The following YPEL1 variants were observed in gnomAD, a reference collection of about 807,000 sequenced individuals.
YPEL1 encodes the protein yippee like 1, also known as protein yippee-like 1.
YPEL1 carries 7 observed loss-of-function variants against 17.3 expected under a neutral mutation model. The observed-to-expected ratio is 0.40, with a 90% confidence interval of 0.23 to 0.76. YPEL1 has a LOEUF of 0.76. YPEL1 is among the 30% of genes least tolerant of loss of function. YPEL1 has a pLI of 0.35. For missense variants in YPEL1, 91 were observed against 155.5 expected (o/e 0.59, Z 2.21); for synonymous variants, 59 against 59.6 (o/e 0.99, Z 0.05).
intron 1 of YPEL1, among the ~76,000 whole-genome samples, chr22:21,716,642 T>A (rs1022376075): frequency 8.5e-5 from 13 of 152,246 alleles, no homozygotes; most frequent in Non-Finnish European, 1.6e-4. Flanking sequence ...CGCCCTGAGG[T>A]ACCTGGCAGA....
intron 1 of YPEL1, among the ~76,000 whole-genome samples, chr22:21,722,281 T>C (rs546617549): frequency 4.7e-4 from 71 of 152,252 alleles, no homozygotes; most frequent in Non-Finnish European, 8.4e-4. Flanking sequence ...CCAGATGTGG[T>C]GGCACGTGCC....
At chr22:21,719,596 T>G (rs540271483) in intron 1 of YPEL1, among the ~76,000 whole-genome samples, 1 of 152,206 alleles carries the variant, frequency 6.6e-6, no homozygotes, top group South Asian at 2.1e-4. Flanking sequence ...TTAAAATAAG[T>G]AGTATCAGCC....
At chr22:21,725,598 A>C (rs1344517492) in intron 1 of YPEL1, among the ~76,000 whole-genome samples, 1 of 152,148 alleles carries the variant, frequency 6.6e-6, no homozygotes, top group African/African-American at 2.4e-5. Context: ...AAAATCACTG[A>C]CTAGTGTCCT....
intron 4 of YPEL1, among the ~76,000 whole-genome samples, chr22:21,702,384 T>G (rs1338014513): frequency 6.6e-6 from 1 of 152,156 alleles, no homozygotes; most frequent in Admixed American, 6.5e-5. Flanking sequence ...TGGTGTGAAC[T>G]GTGGCCTTCC....
intron 1 of YPEL1, among the ~76,000 whole-genome samples, chr22:21,722,484 T>C (rs5999188): frequency 0.92 from 139,967 of 152,022 alleles, 64,724 homozygotes; most frequent in African/African-American, 0.96. Context: ...GGCATGGTGG[T>C]GCATGCCTGT....
intron 1 of YPEL1, among the ~76,000 whole-genome samples, chr22:21,715,530 A>C (rs886613357): frequency 9.9e-5 from 15 of 151,800 alleles, no homozygotes; most frequent in African/African-American, 3.6e-4. Context: ...AAACAAAAAA[A>C]CCCCACGCTG....
intron 1 of YPEL1, among the ~76,000 whole-genome samples, chr22:21,722,424 C>T (rs1358123979): frequency 6.6e-6 from 1 of 150,682 alleles, no homozygotes; most frequent in Non-Finnish European, 1.5e-5. Context: ...TCAAAAAAAC[C>T]CCAAAACCAA....
rs550520790 is a variant in YPEL1 at position 21,711,098 on chromosome 22, G to A, written c.-164-190C>T. 4.0e-5 allele frequency among the ~76,000 whole-genome samples: 6 copies of A among 150,838 alleles called. No homozygotes were observed. In the East Asian group the frequency reaches 7.8e-4, roughly 20 times the overall value. Reference sequence around the variant, plus strand: ...GAGTGCAGTGGCGCAATCTCAGCTCGCTGCAACCTCCTCCTCCTGGGTTCA... The same window carrying A: ...GAGTGCAGTGGCGCAATCTCAGCTCACTGCAACCTCCTCCTCCTGGGTTCA... On this transcript the variant is annotated intron_variant, in intron 1 of 4. Transcript: ENST00000339468.
chr22:21,699,979 T>A lies in YPEL1; in HGVS notation c.*1150A>T, dbSNP rs1011736579. 1 of 152,370 alleles carries A rather than the reference T, an allele frequency of 6.6e-6. No individual in the cohort carries two copies. Among genetic ancestry groups the A allele is most frequent in the Non-Finnish European group, 1.5e-5 (1 of 68,044 alleles). 9.4% of individuals were successfully genotyped at this position (152,370 alleles called of 1,614,324 possible). ...GCTCACCTGCTTTCTAGATAAGGAATCTACTGGCTTAAATAAACATGTTCC... is the reference window on the plus strand; with the variant it reads ...GCTCACCTGCTTTCTAGATAAGGAAACTACTGGCTTAAATAAACATGTTCC... On this transcript the variant is annotated 3_prime_UTR_variant, in exon 5 of 5. Transcript: ENST00000339468.
chr22:21,733,971 T>A (rs576609047), intron 1 of YPEL1, among the ~76,000 whole-genome samples: 26 of 152,142 alleles, frequency 1.7e-4, no homozygotes, highest in African/African-American at 6.3e-4. Context: ...TCCCAACACT[T>A]CAGGAGGCTG....
chr22:21,717,383 A>C (rs1331492969), intron 1 of YPEL1, among the ~76,000 whole-genome samples: 1 of 151,820 alleles, frequency 6.6e-6, no homozygotes, highest in Non-Finnish European at 1.5e-5. Context: ...TCTCAAAAAA[A>C]AAAAAAAAAC....
chr22:21,735,757 C>G lies in YPEL1; in HGVS notation c.-307G>C, dbSNP rs2068431653. The G allele has an allele frequency of 1.3e-5, 2 of 150,988 alleles. No homozygotes were observed. The highest frequency in any genetic ancestry group is 2.1e-4 in the South Asian group (1 of 4,828). 9.4% of individuals were successfully genotyped at this position (150,988 alleles called of 1,614,324 possible). On this transcript the variant is annotated 5_prime_UTR_variant, in exon 1 of 5. Transcript: ENST00000339468. ...GCCTAGGCAGGGCGCGAGGCATCCT[C>G]CCGCCGCCGCCCCGCGGGCCGCCTG...
intron 1 of YPEL1, among the ~76,000 whole-genome samples, chr22:21,712,380 A>AAAC (rs1271875610): frequency 6.6e-6 from 1 of 151,206 alleles, no homozygotes; most frequent in Non-Finnish European, 1.5e-5. Context: ...AAAAAAAAAA[A>AAAC]AAAAACAACT....
rs894679983 is a variant in YPEL1 at position 21,725,714 on chromosome 22, C to T, written c.-165+9901G>A. On this transcript the variant is annotated intron_variant, in intron 1 of 4. Coordinates refer to ENST00000339468, the MANE Select transcript of YPEL1 (RefSeq NM_013313.5). ...GGGGTTGAAACATCACTACTGCGGC[C>T]GGGTGCAGCAGCTCACGCCTGTCAT... 4.6e-5 allele frequency among the ~76,000 whole-genome samples: 7 copies of T among 151,800 alleles called. No homozygotes were observed. The South Asian group carries it at 8.3e-4, about 18-fold the overall frequency.
Position 21,703,481 on chromosome 22 carries a change from G to T in YPEL1, c.162-3C>A. 1 of 1,607,082 alleles carries T rather than the reference G, an allele frequency of 6.2e-7. No homozygotes were observed. Among genetic ancestry groups the T allele is most frequent in the African/African-American group, 1.3e-5 (1 of 75,026 alleles). On this transcript the variant is annotated splice_region_variant and splice_polypyrimidine_tract_variant and intron_variant, in intron 3 of 4. Coordinates refer to ENST00000339468, the MANE Select transcript of YPEL1 (RefSeq NM_013313.5). This position sits in a 1 kb window ranked among gnomAD's most constrained non-coding sequence, Gnocchi z 6.1. ...CAGGGCCGCAGCCCACGTTCACCCT[G>T]CGGGGACAGAGGGGCCACTGCGCTG...
At chr22:21,712,432 A>G (rs1297007228) in intron 1 of YPEL1, among the ~76,000 whole-genome samples, 2 of 151,572 alleles carry the variant, frequency 1.3e-5, no homozygotes, top group Non-Finnish European at 2.9e-5. Flanking sequence ...AAATGGATAA[A>G]GGGCCGGGTA....
At position 21,703,519 on chromosome 22, in the gene YPEL1, G is replaced by T; in HGVS notation, c.162-41C>A. ...GGCCACTGCGCTGCAGGCCCGGCCC[G>T]CCCCTGACCAGGCCCTGCCCCCTCA... On this transcript the variant is annotated intron_variant, in intron 3 of 4. Coordinates refer to ENST00000339468, the MANE Select transcript of YPEL1 (RefSeq NM_013313.5). The surrounding 1 kb of genome is among the most constrained non-coding windows in gnomAD (Gnocchi z 6.1). 6.4e-7 allele frequency: 1 copy of T among 1,560,652 alleles called. No individual in the cohort carries two copies. Among genetic ancestry groups the T allele is most frequent in the Non-Finnish European group, 8.7e-7 (1 of 1,143,928 alleles).
intron 1 of YPEL1, among the ~76,000 whole-genome samples, chr22:21,733,214 T>C (rs1400014826): frequency 1.3e-5 from 2 of 151,932 alleles, no homozygotes; most frequent in Non-Finnish European, 2.9e-5. Flanking sequence ...GGTCAAGAGT[T>C]TGAGACCAGC....
At chr22:21,724,813 C>T (rs1209147228) in intron 1 of YPEL1, among the ~76,000 whole-genome samples, 2 of 151,916 alleles carry the variant, frequency 1.3e-5, no homozygotes, top group Admixed American at 6.6e-5. Flanking sequence ...ACTCCTGGCT[C>T]GGGCCATCCA....
Sources: allele counts gnomAD v4.1 joint callset (sites outside exome capture counted in the v4.1 genomes callset), GRCh38; gene constraint gnomAD v4.1.1; non-coding constraint Gnocchi (gnomAD v3.1); transcripts MANE v1.5; gene names NCBI Gene and HGNC (gene_info 2026-07-23, HGNC 2026-07-21).